WDR7: variants seen among roughly 807,000 people sequenced by gnomAD.
The protein encoded by WDR7 is WD repeat domain 7, also known as WD repeat-containing protein 7.
In WDR7, 46 loss-of-function variants were observed where a neutral mutation model predicts 169.4. The ratio of observed to expected loss-of-function variants is 0.27; its 90% confidence interval spans 0.21 to 0.35. WDR7 has a LOEUF of 0.35. Ranked by LOEUF, WDR7 falls within the 10% of genes least tolerant of loss-of-function variation. The pLI is 1.00. For synonymous variants in WDR7, 612 were observed against 666.8 expected (o/e 0.92, Z 1.27); for missense variants, 1,534 against 1,859.3 (o/e 0.83, Z 3.22).
chr18:56,692,850 A>G (rs2025606591), intron 9 of WDR7, among the ~76,000 whole-genome samples: 1 of 152,052 alleles, frequency 6.6e-6, no homozygotes, highest in African/African-American at 2.4e-5. Flanking sequence ...TGTTAAATAT[A>G]TAGTTTATCA....
At chr18:56,888,080 A>G (rs1261768188) in intron 21 of WDR7, among the ~76,000 whole-genome samples, 2 of 152,238 alleles carry the variant, frequency 1.3e-5, no homozygotes, top group South Asian at 2.1e-4. Context: ...AGTTAGAGGC[A>G]TAGATAGTGA....
At chr18:56,784,998 T>C (rs2044375471) in intron 19 of WDR7, among the ~76,000 whole-genome samples, 1 of 152,140 alleles carries the variant, frequency 6.6e-6, no homozygotes, top group South Asian at 2.1e-4. Context: ...AATACATTAA[T>C]CTTTTCTGGA....
chr18:56,891,207 T>G (rs2046258671), intron 21 of WDR7, among the ~76,000 whole-genome samples: 2 of 152,130 alleles, frequency 1.3e-5, no homozygotes, highest in Non-Finnish European at 2.9e-5. Flanking sequence ...CTAATCAGAG[T>G]GAATACATGA....
At chr18:56,882,011 T>C (rs562713700) in intron 21 of WDR7, among the ~76,000 whole-genome samples, 1 of 152,374 alleles carries the variant, frequency 6.6e-6, no homozygotes, top group African/African-American at 2.4e-5. Context: ...TGAACTCAAG[T>C]GTCTTGCGAC....
intron 16 of WDR7, among the ~76,000 whole-genome samples, chr18:56,764,835 A>C (rs1392997544): frequency 6.6e-6 from 1 of 152,160 alleles, no homozygotes; most frequent in Non-Finnish European, 1.5e-5. Flanking sequence ...TCAATTAAAT[A>C]AGAGTATTGA....
chr18:56,993,764 C>T (rs889051378), intron 26 of WDR7, among the ~76,000 whole-genome samples: 1 of 152,132 alleles, frequency 6.6e-6, no homozygotes, highest in Non-Finnish European at 1.5e-5. Context: ...TAGGAAACCC[C>T]TTCACAGGAA....
chr18:56,900,196 G>A (rs1400916444), intron 21 of WDR7, among the ~76,000 whole-genome samples: 1 of 151,352 alleles, frequency 6.6e-6, no homozygotes, highest in Non-Finnish European at 1.5e-5. Context: ...TAGAGTAGAC[G>A]GGCTGGACAC....
At chr18:56,959,005 G>A (rs1396926869) in intron 25 of WDR7, among the ~76,000 whole-genome samples, 2 of 152,052 alleles carry the variant, frequency 1.3e-5, no homozygotes, top group Non-Finnish European at 2.9e-5. Flanking sequence ...AATAGTGATG[G>A]ACATAATAAA....
At chr18:56,876,337 A>G (rs2046021467) in intron 20 of WDR7, among the ~76,000 whole-genome samples, 1 of 152,150 alleles carries the variant, frequency 6.6e-6, no homozygotes, top group Non-Finnish European at 1.5e-5. Flanking sequence ...CTGACCTCCA[A>G]TCAAGATGGC....
chr18:56,795,616 C>T (rs1599050260), intron 19 of WDR7, among the ~76,000 whole-genome samples: 1 of 152,124 alleles, frequency 6.6e-6, no homozygotes, highest in East Asian at 1.9e-4. Flanking sequence ...GGAATACTGT[C>T]AGCACTGCCA....
intron 26 of WDR7, among the ~76,000 whole-genome samples, chr18:56,990,776 T>A (rs2047800873): frequency 6.6e-6 from 1 of 152,142 alleles, no homozygotes; most frequent in African/African-American, 2.4e-5. Context: ...TGCTCCAGCT[T>A]TTTCTCACCA....
intron 20 of WDR7, among the ~76,000 whole-genome samples, chr18:56,835,227 CCTTGT>C (rs978662971): frequency 1.3e-5 from 2 of 152,080 alleles, no homozygotes; most frequent in Admixed American, 6.6e-5. Flanking sequence ...AATGTGCCTC[CCTTGT>C]CTTAAGAACT....
chr18:56,935,426 A>C (rs564122222), intron 22 of WDR7, among the ~76,000 whole-genome samples: 5 of 152,346 alleles, frequency 3.3e-5, no homozygotes, highest in Admixed American at 2.6e-4. Context: ...TTTATAAATA[A>C]ATACTTAACT....
At chr18:56,971,967 T>C (rs2047494915) in intron 26 of WDR7, among the ~76,000 whole-genome samples, 1 of 152,224 alleles carries the variant, frequency 6.6e-6, no homozygotes, top group African/African-American at 2.4e-5. Context: ...GTAATATAGA[T>C]GTTGTAAACA....
intron 20 of WDR7, among the ~76,000 whole-genome samples, chr18:56,823,123 TTC>T (rs148269566): frequency 0.011 from 1,603 of 152,320 alleles, 13 homozygotes; most frequent in Non-Finnish European, 0.013. Flanking sequence ...TTCTCGTATT[TTC>T]TCTCTGGGTG....
At chr18:56,850,947 C>T (rs1264648902) in intron 20 of WDR7, among the ~76,000 whole-genome samples, 2 of 152,126 alleles carry the variant, frequency 1.3e-5, no homozygotes, top group Non-Finnish European at 2.9e-5. Context: ...TCACTGCTCC[C>T]AAATCTAGTT....
At chr18:56,974,094 C>T (rs528601644) in intron 26 of WDR7, among the ~76,000 whole-genome samples, 35 of 152,254 alleles carry the variant, frequency 2.3e-4, no homozygotes, top group Admixed American at 2.0e-3. Flanking sequence ...AGTGCACTGA[C>T]AAATTAAAGA....
chr18:56,720,918 T>C (rs967605508), intron 13 of WDR7, among the ~76,000 whole-genome samples: 2 of 152,170 alleles, frequency 1.3e-5, no homozygotes, highest in East Asian at 1.9e-4. Context: ...TCAACCATAA[T>C]GGGAGGCATA....
At chr18:56,940,531 C>T (rs928340844) in intron 25 of WDR7, among the ~76,000 whole-genome samples, 5 of 152,032 alleles carry the variant, frequency 3.3e-5, no homozygotes, top group African/African-American at 9.7e-5. Flanking sequence ...AGAATACAGC[C>T]GTGTTTTAAC....
Sources: gnomAD v4.1 joint callset for allele counts (sites outside exome capture counted in the v4.1 genomes callset) on GRCh38, gnomAD v4.1.1 for gene constraint, MANE v1.5 for transcripts, NCBI Gene and HGNC (gene_info 2026-07-23, HGNC 2026-07-21) for gene names.